Variants in COLEC12 observed in about 807,000 individuals in gnomAD.
The protein encoded by COLEC12 is collectin-12.
In COLEC12, 33 loss-of-function variants were observed where a neutral mutation model predicts 71.1. The observed-to-expected ratio is 0.46, with a 90% confidence interval of 0.35 to 0.62. COLEC12 has a LOEUF of 0.62. Among genes scored for constraint, COLEC12 ranks in the 20% least tolerant of loss-of-function variants. The pLI is 0.00. For synonymous variants in COLEC12, 350 were observed against 353.0 expected (o/e 0.99, Z 0.10); for missense variants, 765 against 916.1 (o/e 0.84, Z 2.13).
chr18:443,543 T>G (rs1916586177), intron 2 of COLEC12, among the ~76,000 whole-genome samples: 1 of 152,224 alleles, frequency 6.6e-6, no homozygotes, highest in Non-Finnish European at 1.5e-5. Context: ...ATGTGTTTGT[T>G]TGTGAACTTT....
intron 1 of COLEC12, among the ~76,000 whole-genome samples, chr18:486,765 C>A (rs1268712185): frequency 6.6e-6 from 1 of 152,186 alleles, no homozygotes; most frequent in Non-Finnish European, 1.5e-5. Context: ...AATAGGAGGA[C>A]TGTTGGAACA....
rs777385560 is a variant in COLEC12 at position 346,262 on chromosome 18, TAATACA to T, written c.1327+27_1327+32del. On this transcript the variant is annotated intron_variant, in intron 5 of 9. Transcript: ENST00000400256. This position sits in a 1 kb window ranked among gnomAD's most constrained non-coding sequence, Gnocchi z 4.0. ...AACTTGTTATGCAGCAATAAACAAC[TAATACA>T]AATACAAATTCAGAATTTTGACTTA... The T allele has an allele frequency of 1.4e-5, 21 of 1,476,202 alleles. No individual in the cohort carries two copies. Among genetic ancestry groups the T allele is most frequent in the East Asian group, 2.3e-5 (1 of 44,028 alleles). 91.4% of individuals were successfully genotyped at this position (1,476,202 alleles called of 1,614,324 possible).
At chr18:457,412 G>T (rs1297549401) in intron 2 of COLEC12, among the ~76,000 whole-genome samples, 1 of 152,200 alleles carries the variant, frequency 6.6e-6, no homozygotes, top group Non-Finnish European at 1.5e-5. Context: ...TGATTTCTAG[G>T]CTGCAGATGT....
chr18:439,016 C>G lies in COLEC12; in HGVS notation c.58+41691G>C, dbSNP rs116489056. 2.2e-3 allele frequency among the ~76,000 whole-genome samples: 329 copies of G among 152,244 alleles called. 2 individuals are homozygous for G. The highest frequency in any genetic ancestry group is 7.7e-3 in the African/African-American group (321 of 41,540). ...GGAAGTGGCTGCCCTTAACATGCCT[C>G]ATCTACCTGGGAAACTTTCAAGATC... On this transcript the variant is annotated intron_variant, in intron 2 of 9. Transcript: ENST00000400256.
At chr18:458,505 G>A (rs16944827) in intron 2 of COLEC12, among the ~76,000 whole-genome samples, 11,924 of 152,264 alleles carry the variant, frequency 0.078, 568 homozygotes, top group East Asian at 0.1. Flanking sequence ...TCTAGCCACA[G>A]GCATTGGCAA....
In COLEC12 at chr18:362,857, G is replaced by A. The variant is rs631675; in HGVS notation, c.59-5335C>T. On this transcript the variant is annotated intron_variant, in intron 2 of 9. Transcript: ENST00000400256. This position sits in a 1 kb window ranked among gnomAD's most constrained non-coding sequence, Gnocchi z 4.6. ...GTTTTGAATGTATTTTCCAGTGTCCGAGTCTTTGTTATACAAAAAAGTGTG... is the reference window on the plus strand; with the variant it reads ...GTTTTGAATGTATTTTCCAGTGTCCAAGTCTTTGTTATACAAAAAAGTGTG... Among the ~76,000 whole-genome samples, 83,585 of 151,964 alleles carry A rather than the reference G, an allele frequency of 0.55. 23,881 individuals carry two copies. Among genetic ancestry groups the A allele is most frequent in the South Asian group, 0.73 (3,504 of 4,818 alleles).
At chr18:330,113 C>T (rs911504914) in intron 8 of COLEC12, among the ~76,000 whole-genome samples, 32 of 152,068 alleles carry the variant, frequency 2.1e-4, no homozygotes, top group South Asian at 8.3e-4. Flanking sequence ...AGAGAGATGG[C>T]CTTATTCTGG....
chr18:389,242 T>C (rs1293256025), intron 2 of COLEC12, among the ~76,000 whole-genome samples: 3 of 147,118 alleles, frequency 2.0e-5, no homozygotes, highest in Admixed American at 6.8e-5. Context: ...TGATATAGAA[T>C]ACTGTGCAGC....
At chr18:360,592 T>G (rs952860992) in intron 2 of COLEC12, among the ~76,000 whole-genome samples, 1 of 152,186 alleles carries the variant, frequency 6.6e-6, no homozygotes, top group African/African-American at 2.4e-5. Flanking sequence ...CTTCTCAAAC[T>G]TTAAAGTGCT....
At chr18:357,006 T>C (rs1914641177) in intron 3 of COLEC12, among the ~76,000 whole-genome samples, 1 of 152,194 alleles carries the variant, frequency 6.6e-6, no homozygotes, top group South Asian at 2.1e-4. Context: ...TCTGGAGATC[T>C]TGTGTTTTGC....
chr18:405,211 C>T lies in COLEC12; in HGVS notation c.59-47689G>A, dbSNP rs1309691753. Among the ~76,000 whole-genome samples, 3 of 152,058 alleles carry T rather than the reference C, an allele frequency of 2.0e-5. No homozygotes were observed. In the East Asian group the frequency reaches 5.8e-4, roughly 29 times the overall value. On this transcript the variant is annotated intron_variant, in intron 2 of 9. Transcript: ENST00000400256. ...AATACGTGCACCGCTGAACATAGAC[C>T]CTTATTAGTAGTTCTGCTTTTGCCC... is the stretch of plus-strand genomic sequence containing the variant.
chr18:396,268 A>T (rs1169603591), intron 2 of COLEC12, among the ~76,000 whole-genome samples: 1 of 152,244 alleles, frequency 6.6e-6, no homozygotes, highest in Non-Finnish European at 1.5e-5. Flanking sequence ...CATTTGTGCA[A>T]CAACTCAAAA....
At chr18:481,618 C>T (rs1172735218) in intron 1 of COLEC12, among the ~76,000 whole-genome samples, 2 of 152,072 alleles carry the variant, frequency 1.3e-5, no homozygotes, top group Admixed American at 6.5e-5. Context: ...GTAGGAGAAT[C>T]GCTTGAACCT....
chr18:357,675 T>C (rs995932302), intron 2 of COLEC12, among the ~76,000 whole-genome samples, 153 bp from the exon 3 acceptor site: 2 of 152,254 alleles, frequency 1.3e-5, no homozygotes, highest in African/African-American at 4.8e-5. Flanking sequence ...ACACACTGCT[T>C]GAGCAACATA....
At chr18:483,706 T>C (rs1329562127) in intron 1 of COLEC12, among the ~76,000 whole-genome samples, 42 of 152,232 alleles carry the variant, frequency 2.8e-4, no homozygotes, top group Non-Finnish European at 7.3e-5. Context: ...CTGCTTTACT[T>C]ACTAATCTGT....
chr18:367,901 C>A (rs548743240), intron 2 of COLEC12, among the ~76,000 whole-genome samples: 1 of 152,176 alleles, frequency 6.6e-6, no homozygotes, highest in East Asian at 1.9e-4. Flanking sequence ...CTGGCCAGGG[C>A]AACACAGTGA....
intron 2 of COLEC12, among the ~76,000 whole-genome samples, chr18:455,666 G>C (rs1916856338): frequency 6.6e-6 from 1 of 150,450 alleles, no homozygotes; most frequent in African/African-American, 2.4e-5. Context: ...TCCCCTGACA[G>C]GCCTGGGTGT....
intron 2 of COLEC12, among the ~76,000 whole-genome samples, chr18:406,540 A>AAAAAAAAG (rs1915793417): frequency 2.1e-5 from 3 of 145,918 alleles, no homozygotes; most frequent in African/African-American, 7.6e-5. Flanking sequence ...AAAAAAAAAA[A>AAAAAAAAG]GGGCAACCAG....
At chr18:468,387 C>G (rs1181940490) in intron 2 of COLEC12, among the ~76,000 whole-genome samples, 1 of 152,146 alleles carries the variant, frequency 6.6e-6, no homozygotes, top group African/African-American at 2.4e-5. Context: ...TACCCTAACC[C>G]TTTTATTTTG....
Sources: allele counts gnomAD v4.1 joint callset (sites outside exome capture counted in the v4.1 genomes callset), GRCh38; gene constraint gnomAD v4.1.1; non-coding constraint Gnocchi (gnomAD v3.1); transcripts MANE v1.5; gene names NCBI Gene and HGNC (gene_info 2026-07-23, HGNC 2026-07-21).